Variants in SLCO1B1 observed in about 807,000 individuals in gnomAD.
SLCO1B1 encodes the protein OATP-2.
In SLCO1B1, 81 loss-of-function variants were observed where a neutral mutation model predicts 70.1. The ratio of observed to expected loss-of-function variants is 1.16; its 90% confidence interval spans 0.97 to 1.39. SLCO1B1 has a LOEUF of 1.39. SLCO1B1 is among the 40% of genes most tolerant of loss of function. SLCO1B1 has a pLI of 0.00. For missense variants in SLCO1B1, 895 were observed against 799.6 expected, an observed-to-expected ratio of 1.12 and a Z score of -1.44; for synonymous variants, 283 against 271.5, an observed-to-expected ratio of 1.04 and a Z score of -0.42.
At chr12:21,156,798 C>T (rs1217771343) in intron 2 of SLCO1B1, among the ~76,000 whole-genome samples, 2 of 152,152 alleles carry the variant, frequency 1.3e-5, no homozygotes, top group African/African-American at 2.4e-5. Flanking sequence ...ATTTTAAGTT[C>T]ATCTGAAATG....
intron 14 of SLCO1B1, among the ~76,000 whole-genome samples, chr12:21,233,780 A>G (rs1056467317): frequency 2.6e-5 from 4 of 152,146 alleles, no homozygotes; most frequent in African/African-American, 9.7e-5. Context: ...GGTCAGCAGC[A>G]CCCTGCCAGT....
intron 2 of SLCO1B1, among the ~76,000 whole-genome samples, chr12:21,152,589 A>AT (rs112130559): frequency 6.1e-5 from 6 of 98,264 alleles, no homozygotes; most frequent in South Asian, 2.9e-4. Context: ...TTTTTTTAGT[A>AT]TTTTTTTTCC....
intron 2 of SLCO1B1, among the ~76,000 whole-genome samples, chr12:21,147,205 G>C (rs1940399150): frequency 6.6e-6 from 1 of 152,126 alleles, no homozygotes; most frequent in African/African-American, 2.4e-5. Flanking sequence ...TTGCTTTAGA[G>C]TCTGCTGTGT....
intron 11 of SLCO1B1, among the ~76,000 whole-genome samples, chr12:21,212,571 C>A (rs1941301225): frequency 8.8e-6 from 1 of 113,466 alleles, no homozygotes; most frequent in Non-Finnish European, 1.8e-5. Context: ...CTGTAGATGT[C>A]TATTAGGTCC....
intron 2 of SLCO1B1, among the ~76,000 whole-genome samples, chr12:21,145,352 C>T (rs1395170117): frequency 6.6e-6 from 1 of 151,956 alleles, no homozygotes; most frequent in African/African-American, 2.4e-5. Context: ...GTCACCCAGG[C>T]TGGAGTGCAG....
rs1940852987 is a variant in SLCO1B1 at position 21,178,688 on chromosome 12, T to G, written c.594T>G (p.Asp198Glu). Residue 198 changes from aspartate to glutamate, a missense_variant, in exon 6 of 15, where the codon GAT becomes GAG. By Grantham distance (45) the Asp-to-Glu change is conservative (BLOSUM62 2). Coordinates refer to ENST00000256958, the MANE Select transcript of SLCO1B1 (RefSeq NM_006446.5). Reference protein sequence around the residue: ...IVPLGLSYIDDFAKEGHSSLY... With the variant: ...IVPLGLSYIDEFAKEGHSSLY... ...CATTGGGGCTTTCTTACATTGATGA[T>G]TTCGCTAAAGAAGGACATTCTTCTT... The G allele has an allele frequency of 1.2e-6, 2 of 1,607,084 alleles. No homozygotes were observed. Among genetic ancestry groups the G allele is most frequent in the South Asian group, 2.2e-5 (2 of 91,018 alleles).
intron 10 of SLCO1B1, among the ~76,000 whole-genome samples, chr12:21,205,442 C>CA (rs1941204650): frequency 6.6e-6 from 1 of 151,796 alleles, no homozygotes; most frequent in Non-Finnish European, 1.5e-5. Flanking sequence ...AGTTAAATAG[C>CA]ATTCGTAGAC....
chr12:21,217,450 T>C (rs988670329), intron 12 of SLCO1B1, 147 bp downstream of exon 12: 4 of 734,658 alleles, frequency 5.4e-6, no homozygotes, highest in Non-Finnish European at 9.0e-6. Flanking sequence ...TTAAAATTAC[T>C]ATGAACTCTC....
chr12:21,155,907 C>A (rs1042083426), intron 2 of SLCO1B1, among the ~76,000 whole-genome samples: 1 of 152,160 alleles, frequency 6.6e-6, no homozygotes, highest in Non-Finnish European at 1.5e-5. Context: ...TGATTCAGAG[C>A]TACTCTGATT....
intron 1 of SLCO1B1, 118 bp downstream of exon 1, chr12:21,131,354 C>T (rs974724841): frequency 1.6e-4 from 25 of 151,990 alleles, no homozygotes; most frequent in Admixed American, 1.4e-3. Context: ...GTCTTCCACA[C>T]GCTTACATTC....
chr12:21,181,294 G>A (rs1268480300), intron 7 of SLCO1B1, among the ~76,000 whole-genome samples: 3 of 152,094 alleles, frequency 2.0e-5, no homozygotes, highest in Non-Finnish European at 2.9e-5. Context: ...TATCTAGCGC[G>A]ATTATGACCC....
Position 21,214,934 on chromosome 12 carries a change from C to T in SLCO1B1, c.1498-2185C>T, listed in dbSNP as rs369705616. Among the ~76,000 whole-genome samples, 204 of 152,014 alleles carry T rather than the reference C, an allele frequency of 1.3e-3. No individual in the cohort carries two copies. The East Asian group carries it at 0.014, about 10-fold the overall frequency. On this transcript the variant is annotated intron_variant, in intron 11 of 14. Transcript: ENST00000256958. ...GCCCTGCTTCGGCTCACGCACGGTG[C>T]GCGCACCCACTGACCTGCGCCCACT...
At chr12:21,139,498 A>G (rs1353780050) in intron 1 of SLCO1B1, among the ~76,000 whole-genome samples, 1 of 152,156 alleles carries the variant, frequency 6.6e-6, no homozygotes, top group Non-Finnish European at 1.5e-5. Flanking sequence ...CCTGTTTGTT[A>G]CTTCCACATT....
At position 21,200,645 on chromosome 12, in the gene SLCO1B1, C is replaced by T. The variant is rs1341151780; in HGVS notation, c.1108C>T (p.Pro370Ser). 1 of 1,612,240 alleles carries T rather than the reference C, an allele frequency of 6.2e-7. No homozygotes were observed. Among genetic ancestry groups the T allele is most frequent in the Non-Finnish European group, 8.5e-7 (1 of 1,179,010 alleles). ...FKYVEQQYGQ[P>S]SSKANILLGV... ...ATACGTAGAGCAACAGTATGGTCAG[C>T]CTTCATCTAAGGCTAACATCTTATT... Residue 370 changes from proline to serine, a missense_variant, in exon 9 of 15, where the codon CCT becomes TCT. Coordinates refer to ENST00000256958, the MANE Select transcript of SLCO1B1 (RefSeq NM_006446.5).
intron 14 of SLCO1B1, among the ~76,000 whole-genome samples, chr12:21,227,450 T>C (rs1394815187): frequency 6.6e-6 from 1 of 152,128 alleles, no homozygotes; most frequent in East Asian, 1.9e-4. Flanking sequence ...AAACAGACTC[T>C]CTTCCATTTA....
chr12:21,210,430 G>A (rs1443928856), intron 11 of SLCO1B1, among the ~76,000 whole-genome samples: 2 of 111,350 alleles, frequency 1.8e-5, no homozygotes, highest in African/African-American at 7.3e-5. Flanking sequence ...TCTCTGTTTT[G>A]GTACCAGTAC....
At chr12:21,175,010 T>C (rs1940802110) in intron 4 of SLCO1B1, among the ~76,000 whole-genome samples, 1 of 152,168 alleles carries the variant, frequency 6.6e-6, no homozygotes, top group Non-Finnish European at 1.5e-5. Flanking sequence ...ATTTTGATTA[T>C]TTTTTATAAG....
intron 12 of SLCO1B1, among the ~76,000 whole-genome samples, chr12:21,221,588 A>G (rs1245294205): frequency 6.6e-6 from 1 of 152,128 alleles, no homozygotes; most frequent in Non-Finnish European, 1.5e-5. Flanking sequence ...AATTATTAAA[A>G]ATAGGGTAAA....
chr12:21,218,622 A>G (rs1941387832), intron 12 of SLCO1B1, among the ~76,000 whole-genome samples: 2 of 152,202 alleles, frequency 1.3e-5, no homozygotes, highest in African/African-American at 4.8e-5. Flanking sequence ...TTGTCTACTC[A>G]AAAGGAGAAG....
Sources: gnomAD v4.1 joint callset for allele counts (sites outside exome capture counted in the v4.1 genomes callset) on GRCh38, gnomAD v4.1.1 for gene constraint, MANE v1.5 for transcripts, NCBI Gene and HGNC (gene_info 2026-07-23, HGNC 2026-07-21) for gene names.